The following ATG4C variants were observed in gnomAD, a reference collection of about 807,000 sequenced individuals.
The protein encoded by ATG4C is autophagy related 4C cysteine peptidase.
In ATG4C, 56 loss-of-function variants were observed where a neutral mutation model predicts 57.6. That is an observed-to-expected ratio of 0.97 (90% confidence interval 0.78 to 1.21). The LOEUF is 1.21. Ranked by LOEUF, ATG4C falls within the 50% of genes most tolerant of loss-of-function variation. The pLI is 0.00. For synonymous variants in ATG4C, 157 were observed against 174.1 expected, an observed-to-expected ratio of 0.90 and a Z score of 0.78; for missense variants, 595 against 529.8, an observed-to-expected ratio of 1.12 and a Z score of -1.21.
chr1:62,843,830 G>A (rs1308426359), intron 10 of ATG4C, among the ~76,000 whole-genome samples: 1 of 151,976 alleles, frequency 6.6e-6, no homozygotes, highest in South Asian at 2.1e-4. Context: ...CTTCAGTAGG[G>A]GAAATAAGAC....
At chr1:62,832,999 G>C (rs1665889313) in intron 7 of ATG4C, among the ~76,000 whole-genome samples, 1 of 152,112 alleles carries the variant, frequency 6.6e-6, no homozygotes, top group African/African-American at 2.4e-5. Context: ...TGTTAAGAAG[G>C]TGTTCCCCCA....
At chr1:62,836,995 C>CT (rs1389659437) in intron 9 of ATG4C, among the ~76,000 whole-genome samples, 2 of 152,078 alleles carry the variant, frequency 1.3e-5, no homozygotes, top group Non-Finnish European at 2.9e-5. Flanking sequence ...GAATTGAACT[C>CT]TTAACATTTT....
At chr1:62,850,012 T>C (rs6587993) in intron 10 of ATG4C, among the ~76,000 whole-genome samples, 67,649 of 152,096 alleles carry the variant, frequency 0.44, 15,126 homozygotes, top group East Asian at 0.66. Context: ...TAGAATTTTA[T>C]GAGTACTATT....
At chr1:62,855,532 T>C (rs183041331) in intron 10 of ATG4C, among the ~76,000 whole-genome samples, 5 of 151,780 alleles carry the variant, frequency 3.3e-5, no homozygotes, top group Admixed American at 2.6e-4. Context: ...ATGGAATGCA[T>C]ATCAGCACAG....
chr1:62,805,929 T>G (rs1664865077), intron 3 of ATG4C, among the ~76,000 whole-genome samples: 1 of 152,178 alleles, frequency 6.6e-6, no homozygotes, highest in Non-Finnish European at 1.5e-5. Context: ...CATCCTTGCT[T>G]GGTTTTGTGT....
chr1:62,821,085 G>A, intron 5 of ATG4C, 54 bp from the exon 6 acceptor site: 1 of 1,385,680 alleles, frequency 7.2e-7, no homozygotes. Context: ...TAAATATTTA[G>A]TTGCCAATAG....
intron 9 of ATG4C, among the ~76,000 whole-genome samples, 196 bp downstream of exon 9, chr1:62,835,048 T>G (rs540964872): frequency 6.6e-6 from 1 of 151,994 alleles, no homozygotes; most frequent in Non-Finnish European, 1.5e-5. Flanking sequence ...ATTTATGATA[T>G]ACTTTCTTCT....
At chr1:62,813,728 A>G (rs1665168821) in intron 3 of ATG4C, among the ~76,000 whole-genome samples, 1 of 152,230 alleles carries the variant, frequency 6.6e-6, no homozygotes, top group African/African-American at 2.4e-5. Context: ...TCCAGAATCT[A>G]CAAGGAACTT....
chr1:62,859,366 T>C (rs560818675), intron 10 of ATG4C, among the ~76,000 whole-genome samples: 1 of 152,352 alleles, frequency 6.6e-6, no homozygotes, highest in East Asian at 1.9e-4. Flanking sequence ...TACAAATCTG[T>C]ACAGCATGTT....
intron 10 of ATG4C, among the ~76,000 whole-genome samples, chr1:62,850,193 G>T (rs1666461526): frequency 6.6e-6 from 1 of 152,102 alleles, no homozygotes; most frequent in Admixed American, 6.5e-5. Context: ...CCCTTGCTCT[G>T]TCTCACAAAC....
chr1:62,837,165 A>G (rs984545621), intron 9 of ATG4C, among the ~76,000 whole-genome samples: 1 of 152,022 alleles, frequency 6.6e-6, no homozygotes, highest in Non-Finnish European at 1.5e-5. Flanking sequence ...AATTCTTGTG[A>G]CATTTTCTTC....
intron 9 of ATG4C, chr1:62,835,422 T>G (rs914496361): frequency 8.7e-6 from 3 of 346,700 alleles, no homozygotes; most frequent in Middle Eastern, 4.7e-4. Context: ...TCAGAAAAAT[T>G]TGAGAATACA....
chr1:62,833,144 AT>A (rs2100336261), intron 7 of ATG4C, among the ~76,000 whole-genome samples: 1 of 152,212 alleles, frequency 6.6e-6, no homozygotes, highest in East Asian at 1.9e-4. Context: ...CCATATATTT[AT>A]TTTTATATCT....
chr1:62,852,186 T>G (rs116101144), intron 10 of ATG4C, among the ~76,000 whole-genome samples: 1,737 of 152,190 alleles, frequency 0.011, 34 homozygotes, highest in African/African-American at 0.04. Flanking sequence ...CTACCCGGAG[T>G]AAGGTATACT....
chr1:62,808,842 T>G (rs891856750), intron 3 of ATG4C, among the ~76,000 whole-genome samples: 1 of 152,332 alleles, frequency 6.6e-6, no homozygotes, highest in African/African-American at 2.4e-5. Flanking sequence ...CTGTGATATG[T>G]GCTATTTGCT....
intron 6 of ATG4C, among the ~76,000 whole-genome samples, chr1:62,822,802 A>G (rs1292031823): frequency 1.3e-5 from 2 of 150,886 alleles, no homozygotes; most frequent in East Asian, 1.9e-4. Flanking sequence ...TTGTAATTGC[A>G]TCTATTTTTA....
At position 62,864,013 on chromosome 1, in the gene ATG4C, G is replaced by A; in HGVS notation, c.1231G>A (p.Glu411Lys). Residue 411 changes from glutamate (E) to lysine (K), a missense_variant, in exon 11 of 11, where the codon GAG becomes AAG. By Grantham distance (56) the Glu-to-Lys change is moderately conservative (BLOSUM62 1). Transcript: ENST00000317868. ...ITKMLKFSSK[E>K]KYPLFTFVNG... ...ACAGATGCTGAAATTTTCTTCTAAG[G>A]AGAAATATCCCTTATTTACTTTTGT... 1 of 1,575,440 alleles carries A rather than the reference G, an allele frequency of 6.3e-7. No homozygotes were observed. The highest frequency in any genetic ancestry group is 8.6e-7 in the Non-Finnish European group (1 of 1,165,992).
chr1:62,793,940 G>A (rs535507172), intron 1 of ATG4C, among the ~76,000 whole-genome samples: 1 of 152,252 alleles, frequency 6.6e-6, no homozygotes, highest in African/African-American at 2.4e-5. Flanking sequence ...GGAAAGTTGC[G>A]TTTTGAAGTA....
At chr1:62,796,993 A>C (rs1664491809) in intron 1 of ATG4C, among the ~76,000 whole-genome samples, 1 of 152,102 alleles carries the variant, frequency 6.6e-6, no homozygotes, top group Non-Finnish European at 1.5e-5. Flanking sequence ...CTGAAATCCC[A>C]GCTACTCCTG....
Sources: gnomAD v4.1 joint callset for allele counts (sites outside exome capture counted in the v4.1 genomes callset) on GRCh38, gnomAD v4.1.1 for gene constraint, MANE v1.5 for transcripts, NCBI Gene and HGNC (gene_info 2026-07-23, HGNC 2026-07-21) for gene names.